SYNJ1: variants seen among roughly 807,000 people sequenced by gnomAD.
SYNJ1 encodes the protein synaptojanin 1, also known as polyphosphatidylinositol phosphatase SYNJ1.
A neutral mutation model predicts 168.2 loss-of-function variants in SYNJ1; 78 were observed. The ratio of observed to expected loss-of-function variants is 0.46; its 90% CI spans 0.39 to 0.56. The LOEUF is 0.56. Among genes scored for constraint, SYNJ1 ranks in the 20% least tolerant of loss-of-function variants. The pLI is 0.00. For missense variants in SYNJ1, 1,303 were observed against 1,597.6 expected (o/e 0.82, Z 3.14); for synonymous variants, 539 against 548.6 (o/e 0.98, Z 0.24).
chr21:32,727,790 A>G (rs1171998452), intron 1 of SYNJ1, 156 bp downstream of exon 1: 1 of 1,428,760 alleles, frequency 7.0e-7, no homozygotes. Flanking sequence ...TCTGCTCACA[A>G]CCCCGCCCGT....
At chr21:32,727,455 AGGTTACCGCCGCCTCTCCTGCCCCG>A (rs1167080913) in intron 1 of SYNJ1, among the ~76,000 whole-genome samples, 1 of 152,180 alleles carries the variant, frequency 6.6e-6, no homozygotes, top group African/African-American at 2.4e-5. Flanking sequence ...GAAAAGGCAC[AGGTTACCGCCGCCTCTCCTGCCCCG>A]GGCTACCGCC....
chr21:32,633,549 G>C (rs531549437), intron 32 of SYNJ1, among the ~76,000 whole-genome samples: 60 of 152,172 alleles, frequency 3.9e-4, no homozygotes, highest in Non-Finnish European at 7.6e-4. Flanking sequence ...AAAAAATTCA[G>C]TTCAAGACTG....
chr21:32,719,611 G>A (rs538298426), intron 2 of SYNJ1, among the ~76,000 whole-genome samples: 80 of 152,064 alleles, frequency 5.3e-4, no homozygotes, highest in Non-Finnish European at 1.0e-3. Flanking sequence ...CTACTTGAGA[G>A]GCTGAGGCAG....
intron 3 of SYNJ1, among the ~76,000 whole-genome samples, chr21:32,700,848 G>A (rs571944836): frequency 2.5e-4 from 38 of 152,324 alleles, no homozygotes; most frequent in African/African-American, 8.9e-4. Flanking sequence ...TGATGATGTT[G>A]ATGACAAATG....
At position 32,663,216 on chromosome 21, in the gene SYNJ1, C is replaced by T. The variant is rs1859049618; in HGVS notation, c.2304+1697G>A. On this transcript the variant is annotated intron_variant, in intron 18 of 32. Transcript: ENST00000674351. Reference sequence around the variant, plus strand: ...ATGAATTCCCAGCTCAAAAGAATCACCCTGATAATTTCTGGGTCCTAAAAA... The same window carrying T: ...ATGAATTCCCAGCTCAAAAGAATCATCCTGATAATTTCTGGGTCCTAAAAA... Among the ~76,000 whole-genome samples the T allele has an allele frequency of 3.9e-5, 6 of 152,266 alleles. No homozygotes were observed. In the South Asian group the frequency reaches 1.2e-3, roughly 32 times the overall value.
intron 31 of SYNJ1, among the ~76,000 whole-genome samples, chr21:32,638,241 T>C (rs1010659784): frequency 2.6e-5 from 4 of 152,096 alleles, no homozygotes; most frequent in Non-Finnish European, 5.9e-5. Flanking sequence ...GATAGTTCTT[T>C]AATTTGTAGA....
In SYNJ1 at chr21:32,639,721, G is replaced by C; in HGVS notation, c.3647C>G (p.Ala1216Gly). The change falls in exon 30 of 33, where the codon GCT (alanine) becomes GGT (glycine). Residue 1216 changes from alanine (A) to glycine (G), a missense_variant. Transcript: ENST00000674351. ...SAPQSHARAS[A>G]GRLTPESQSK... ...TTGGCTTTCAGGAGTCAGTCTTCCA[G>C]CAGATGCCCGCGCGTGGCTCTGTGG... 6.2e-7 allele frequency: 1 copy of C among 1,614,166 alleles called. No homozygotes were observed. Among genetic ancestry groups the C allele is most frequent in the South Asian group, 1.1e-5 (1 of 91,084 alleles).
At chr21:32,696,647 C>A (rs2042222838) in intron 4 of SYNJ1, among the ~76,000 whole-genome samples, 1 of 152,114 alleles carries the variant, frequency 6.6e-6, no homozygotes, top group African/African-American at 2.4e-5. Flanking sequence ...GCTCCGTACT[C>A]TCTCTCTCTT....
chr21:32,673,128 A>G (rs968333484), intron 14 of SYNJ1, among the ~76,000 whole-genome samples: 6 of 152,182 alleles, frequency 3.9e-5, no homozygotes, highest in Non-Finnish European at 8.8e-5. Context: ...TTACCATCAT[A>G]TATTTTTATG....
intron 2 of SYNJ1, among the ~76,000 whole-genome samples, chr21:32,708,744 T>C (rs1047650652): frequency 1.3e-5 from 2 of 151,868 alleles, no homozygotes; most frequent in Non-Finnish European, 2.9e-5. Flanking sequence ...CTTTCATTCA[T>C]ACCTTTTCTT....
rs749830958 is a variant in SYNJ1 at position 32,634,916 on chromosome 21, G to T, written c.3916-32C>A. The T allele has an allele frequency of 3.7e-6, 6 of 1,613,018 alleles. 1 individual carries two copies. The South Asian group carries it at 6.6e-5, about 18-fold the overall frequency. ...GAAAGGAAACAGACATCAAAGGAAA[G>T]AGTTAGGAGGACAATCCGAGATCAA... On this transcript the variant is annotated intron_variant, in intron 31 of 32. Coordinates refer to ENST00000674351, the MANE Select transcript of SYNJ1 (RefSeq NM_203446.3).
At chr21:32,677,248 C>T (rs957883608) in intron 12 of SYNJ1, among the ~76,000 whole-genome samples, 11 of 152,234 alleles carry the variant, frequency 7.2e-5, no homozygotes, top group Non-Finnish European at 1.2e-4. Flanking sequence ...CATCTTAGTT[C>T]TGCTGGGTGC....
intron 12 of SYNJ1, among the ~76,000 whole-genome samples, chr21:32,676,691 C>CT (rs2041423417): frequency 6.6e-6 from 1 of 152,036 alleles, no homozygotes; most frequent in South Asian, 2.1e-4. Context: ...ATATGAAAAC[C>CT]TAAGAAGATG....
At chr21:32,672,662 T>C (rs1399504091) in intron 14 of SYNJ1, among the ~76,000 whole-genome samples, 1 of 152,192 alleles carries the variant, frequency 6.6e-6, no homozygotes, top group African/African-American at 2.4e-5. Flanking sequence ...AAAAGTATCC[T>C]CTGCTAAATG....
intron 18 of SYNJ1, among the ~76,000 whole-genome samples, chr21:32,660,736 A>C (rs2040664085): frequency 6.6e-6 from 1 of 152,220 alleles, no homozygotes; most frequent in Admixed American, 6.5e-5. Context: ...AAACATCTAC[A>C]CTGACTCTTG....
chr21:32,646,547 C>G lies in SYNJ1; in HGVS notation c.3093G>C (p.Gln1031His). ...EVEELLPQHL[Q>H]PSSSSGLGTS... ...TACCAAGGCCGGAACTTGAAGATGG[C>G]TGGAGATGCTGAGGAAGAAGTTCCT... is the stretch of plus-strand genomic sequence containing the variant. The change falls in exon 24 of 33, where the codon CAG (glutamine) becomes CAC (histidine). Residue 1031 changes from glutamine to histidine, a missense_variant. Gln to His is a conservative substitution (Grantham distance 24). Coordinates refer to ENST00000674351, the MANE Select transcript of SYNJ1 (RefSeq NM_203446.3). The G allele has an allele frequency of 6.2e-7, 1 of 1,614,094 alleles. No individual in the cohort carries two copies. Among genetic ancestry groups the G allele is most frequent in the South Asian group, 1.1e-5 (1 of 91,064 alleles).
intron 2 of SYNJ1, among the ~76,000 whole-genome samples, chr21:32,716,251 A>G (rs2043019998): frequency 6.6e-6 from 1 of 152,226 alleles, no homozygotes; most frequent in Admixed American, 6.5e-5. Flanking sequence ...GCTTCTTTCA[A>G]AATTTCACTG....
chr21:32,653,505 C>T, intron 21 of SYNJ1, 139 bp from the exon 22 acceptor site: 1 of 644,034 alleles, frequency 1.6e-6, no homozygotes, highest in Non-Finnish European at 2.7e-6. Flanking sequence ...GCAGGTAGGG[C>T]TGGTGGTGAC....
chr21:32,634,971 A>T (rs1392414410), intron 31 of SYNJ1, 87 bp from the exon 32 acceptor site: 1 of 1,409,208 alleles, frequency 7.1e-7, no homozygotes, highest in Non-Finnish European at 1.0e-6. Context: ...AGTCAACAAA[A>T]TGCTTTCTAA....
Sources: gnomAD v4.1 joint callset for allele counts (sites outside exome capture counted in the v4.1 genomes callset) on GRCh38, gnomAD v4.1.1 for gene constraint, MANE v1.5 for transcripts, NCBI Gene and HGNC (gene_info 2026-07-23, HGNC 2026-07-21) for gene names.